CECR2: variants seen among roughly 807,000 people sequenced by gnomAD.
CECR2 encodes CECR2 histone acetyl-lysine reader, also known as chromatin remodeling regulator CECR2.
CECR2 carries 30 observed loss-of-function variants against 154.5 expected under a neutral mutation model. The ratio of observed to expected loss-of-function variants is 0.19; its 90% confidence interval spans 0.15 to 0.26. The LOEUF (loss-of-function observed/expected upper bound fraction) is 0.26, where lower values mean the gene tolerates loss of function less well. Among genes scored for constraint, CECR2 ranks in the 10% least tolerant of loss-of-function variants. The probability of loss-of-function intolerance (pLI) is 1.00; values close to 1 mark genes in which losing one functional copy is unlikely to be tolerated. For missense variants in CECR2, 1,743 were observed against 1,829.3 expected, an observed-to-expected ratio of 0.95 and a Z score of 0.86; for synonymous variants, 725 against 683.7, an observed-to-expected ratio of 1.06 and a Z score of -0.94.
chr22:17,418,220 A>G (rs1265436283), intron 1 of CECR2, among the ~76,000 whole-genome samples: 2 of 152,190 alleles, frequency 1.3e-5, no homozygotes, highest in Admixed American at 6.5e-5. Flanking sequence ...TTCTCTCACT[A>G]CAGATAAATT....
At chr22:17,388,238 G>A (rs1478487693) in intron 1 of CECR2, among the ~76,000 whole-genome samples, 1 of 152,198 alleles carries the variant, frequency 6.6e-6, no homozygotes, top group Non-Finnish European at 1.5e-5. Context: ...ACAGGCATGA[G>A]CCACCGCGCC....
intron 1 of CECR2, among the ~76,000 whole-genome samples, chr22:17,405,667 T>A (rs868098199): frequency 0.025 from 829 of 33,788 alleles, 36 homozygotes; most frequent in Middle Eastern, 0.067. Flanking sequence ...AAAAAAAAAA[T>A]TTTCAATTGT....
chr22:17,414,225 G>A (rs932775901), intron 1 of CECR2, among the ~76,000 whole-genome samples: 7 of 152,102 alleles, frequency 4.6e-5, no homozygotes, highest in Non-Finnish European at 7.4e-5. Flanking sequence ...GCCCGCCTTG[G>A]CCTCCCAAAG....
chr22:17,486,348 A>G (rs2055420014), intron 2 of CECR2, among the ~76,000 whole-genome samples: 1 of 152,352 alleles, frequency 6.6e-6, no homozygotes, highest in Middle Eastern at 3.4e-3. Flanking sequence ...TTGCCAAAAT[A>G]AAGTGGTATA....
At chr22:17,430,822 T>C (rs1046553974) in intron 1 of CECR2, among the ~76,000 whole-genome samples, 1 of 152,160 alleles carries the variant, frequency 6.6e-6, no homozygotes, top group African/African-American at 2.4e-5. Context: ...AACAATTGCA[T>C]TGGCTACGTA....
intron 9 of CECR2, 140 bp from the exon 10 acceptor site, chr22:17,536,961 AAG>A: frequency 2.3e-6 from 2 of 869,104 alleles, no homozygotes; most frequent in Non-Finnish European, 3.5e-6. Context: ...AATTACCAAA[AAG>A]AGGGTGGCAC....
At chr22:17,434,747 G>A (rs2054477830) in intron 1 of CECR2, among the ~76,000 whole-genome samples, 1 of 151,948 alleles carries the variant, frequency 6.6e-6, no homozygotes. Flanking sequence ...CATTTTGGGT[G>A]TGGGATACCT....
At chr22:17,440,835 T>C (rs2054574209) in intron 1 of CECR2, among the ~76,000 whole-genome samples, 1 of 151,910 alleles carries the variant, frequency 6.6e-6, no homozygotes. Context: ...TTTCTGGGAC[T>C]TTTTTTTAGT....
rs1288657320 is a variant in CECR2 at position 17,552,044 on chromosome 22, C to A, written c.4291C>A (p.Pro1431Thr). The change falls in exon 18 of 19, where the codon CCG becomes ACG. Residue 1431 changes from proline (P) to threonine (T), a missense_variant. By Grantham distance (38) the Pro-to-Thr change is conservative. Coordinates refer to ENST00000262608, the MANE Select transcript of CECR2 (RefSeq NM_001290047.2). ...TCGTGGCTGTAGAATGCAGATGCAC[C>A]CGGTCCAGTCGCAGGCCTCGTTCCC... ...MYRPSGMQMH[P>T]VQSQASFPKT... 6.2e-7 allele frequency: 1 copy of A among 1,613,914 alleles called. No homozygotes were observed. The highest frequency in any genetic ancestry group is 1.1e-5 in the South Asian group (1 of 91,080).
chr22:17,550,633 C>T (rs1004220182), intron 17 of CECR2, among the ~76,000 whole-genome samples: 3 of 152,102 alleles, frequency 2.0e-5, no homozygotes, highest in Non-Finnish European at 4.4e-5. Flanking sequence ...GTTTTCAAAT[C>T]GATAGATACA....
intron 1 of CECR2, among the ~76,000 whole-genome samples, chr22:17,402,655 A>G (rs552804508): frequency 1.4e-4 from 21 of 152,192 alleles, no homozygotes; most frequent in Non-Finnish European, 2.6e-4. Context: ...TGTTAAAACT[A>G]AGACATTCAC....
chr22:17,410,275 G>A (rs927458473), intron 1 of CECR2, among the ~76,000 whole-genome samples: 1 of 151,894 alleles, frequency 6.6e-6, no homozygotes, highest in African/African-American at 2.4e-5. Context: ...CACCGCGCCC[G>A]GCCCTGTCAA....
At chr22:17,454,691 T>C (rs1243759979) in intron 1 of CECR2, among the ~76,000 whole-genome samples, 2 of 151,236 alleles carry the variant, frequency 1.3e-5, no homozygotes, top group African/African-American at 4.9e-5. Flanking sequence ...CCTGTACAAA[T>C]ACATATTAGT....
intron 16 of CECR2, among the ~76,000 whole-genome samples, chr22:17,543,457 A>G (rs910674476): frequency 1.3e-5 from 2 of 151,828 alleles, no homozygotes; most frequent in African/African-American, 4.8e-5. Context: ...TGAACTTCTC[A>G]GATTTGGGCC....
chr22:17,395,057 A>G (rs115652649), intron 1 of CECR2, among the ~76,000 whole-genome samples: 3,905 of 152,308 alleles, frequency 0.026, 187 homozygotes, highest in African/African-American at 0.089. Flanking sequence ...ATCAAGATAC[A>G]GAGCATTTGT....
At chr22:17,545,757 C>T (rs2056603785) in intron 16 of CECR2, among the ~76,000 whole-genome samples, 1 of 150,614 alleles carries the variant, frequency 6.6e-6, no homozygotes, top group Non-Finnish European at 1.5e-5. Context: ...GCAGGAGAAT[C>T]GCTTGAACCC....
At chr22:17,518,157 T>C (rs1388929004) in intron 8 of CECR2, among the ~76,000 whole-genome samples, 1 of 152,188 alleles carries the variant, frequency 6.6e-6, no homozygotes, top group Non-Finnish European at 1.5e-5. Context: ...GGTAGAAGTT[T>C]TTCCAGCAAA....
At chr22:17,518,108 T>C (rs1196351580) in intron 8 of CECR2, among the ~76,000 whole-genome samples, 1 of 150,570 alleles carries the variant, frequency 6.6e-6, no homozygotes, top group Non-Finnish European at 1.5e-5. Flanking sequence ...CCAGTTCTTT[T>C]TGATCATCCC....
chr22:17,405,957 TC>T (rs1280217906), intron 1 of CECR2, among the ~76,000 whole-genome samples: 2 of 152,222 alleles, frequency 1.3e-5, no homozygotes, highest in African/African-American at 4.8e-5. Flanking sequence ...ATTCAGGTCT[TC>T]CCCTTTTCCC....
Sources: allele counts gnomAD v4.1 joint callset (sites outside exome capture counted in the v4.1 genomes callset), GRCh38; gene constraint gnomAD v4.1.1; transcripts MANE v1.5; gene names NCBI Gene and HGNC (gene_info 2026-07-23, HGNC 2026-07-21).